FSD2: variants seen among roughly 807,000 people sequenced by gnomAD.
FSD2 encodes the protein fibronectin type III and SPRY domain containing 2.
A neutral mutation model predicts 80.4 loss-of-function variants in FSD2; 71 were observed. That is an observed-to-expected ratio of 0.88 (90% CI 0.73 to 1.08). FSD2 has a LOEUF of 1.08. FSD2 is among the 50% of genes least tolerant of loss of function. The pLI is 0.00. For missense variants in FSD2, 923 were observed against 913.8 expected, an observed-to-expected ratio of 1.01 and a Z score of -0.13; for synonymous variants, 361 against 329.5, an observed-to-expected ratio of 1.10 and a Z score of -1.03.
chr15:82,793,424 T>C (rs1405549264), intron 1 of FSD2, among the ~76,000 whole-genome samples: 1 of 152,232 alleles, frequency 6.6e-6, no homozygotes, highest in Non-Finnish European at 1.5e-5. Flanking sequence ...ATACATGTAT[T>C]GTCAAGTATG....
chr15:82,778,950 AGTGC>A, intron 5 of FSD2, 63 bp from the exon 6 acceptor site: 2 of 1,557,716 alleles, frequency 1.3e-6, no homozygotes, highest in Non-Finnish European at 1.7e-6. Context: ...GTATATATAT[AGTGC>A]TGAGTCACTG....
At chr15:82,781,667 T>C (rs968476585) in intron 4 of FSD2, among the ~76,000 whole-genome samples, 4 of 152,164 alleles carry the variant, frequency 2.6e-5, no homozygotes, top group African/African-American at 7.2e-5. Flanking sequence ...AGATTTTTAA[T>C]TGCTACACTT....
At chr15:82,765,866 G>T in intron 10 of FSD2, 32 bp downstream of exon 10, 1 of 1,579,228 alleles carries the variant, frequency 6.3e-7, no homozygotes, top group Non-Finnish European at 8.6e-7. Context: ...GCCACTTTGG[G>T]TCCCAGAGAC....
At chr15:82,805,639 C>G (rs1424296713) in intron 1 of FSD2, among the ~76,000 whole-genome samples, 2 of 152,212 alleles carry the variant, frequency 1.3e-5, no homozygotes, top group Non-Finnish European at 2.9e-5. Flanking sequence ...TATTCAACAT[C>G]TATATTTCCA....
chr15:82,782,417 A>C (rs7172538), intron 4 of FSD2, among the ~76,000 whole-genome samples: 34,825 of 152,096 alleles, frequency 0.23, 4,117 homozygotes, highest in Middle Eastern at 0.28. Context: ...CCAAACCAAA[A>C]CAAAACAAAA....
intron 3 of FSD2, among the ~76,000 whole-genome samples, chr15:82,785,899 A>G (rs1265531123): frequency 2.0e-5 from 3 of 152,146 alleles, no homozygotes; most frequent in Middle Eastern, 3.2e-3. Context: ...TTCTACCCCA[A>G]AAAAAGAGGT....
intron 1 of FSD2, 64 bp from the exon 2 acceptor site, chr15:82,787,532 G>T (rs2050032477): frequency 1.4e-6 from 1 of 737,002 alleles, no homozygotes. Context: ...ATGATCATTA[G>T]ATTGGGCTCT....
intron 1 of FSD2, among the ~76,000 whole-genome samples, chr15:82,787,755 C>T (rs2050039203): frequency 6.6e-6 from 1 of 151,828 alleles, no homozygotes; most frequent in African/African-American, 2.4e-5. Flanking sequence ...TAATGGGAAG[C>T]ATCTCAGGCA....
intron 9 of FSD2, among the ~76,000 whole-genome samples, chr15:82,767,968 TC>T (rs1344356096): frequency 6.6e-6 from 1 of 152,164 alleles, no homozygotes; most frequent in Non-Finnish European, 1.5e-5. Context: ...GGGTGGTTCA[TC>T]CCCTTTCACA....
At position 82,800,916 on chromosome 15, in the gene FSD2, G is replaced by A. The variant is rs138554498; in HGVS notation, c.-79+5050C>T. On this transcript the variant is annotated intron_variant, in intron 1 of 12. Coordinates refer to ENST00000334574, the MANE Select transcript of FSD2 (RefSeq NM_001007122.4). Reference sequence around the variant, plus strand: ...TGCTAAAAATCACCCCTGGGGTGGTGATTTAAAATGCTAATGCTACATATA... The same window carrying A: ...TGCTAAAAATCACCCCTGGGGTGGTAATTTAAAATGCTAATGCTACATATA... 5.7e-4 allele frequency among the ~76,000 whole-genome samples: 86 copies of A among 152,082 alleles called. 1 individual carries two copies. The highest frequency in any genetic ancestry group is 1.0e-3 in the Non-Finnish European group (70 of 67,986).
intron 1 of FSD2, among the ~76,000 whole-genome samples, chr15:82,792,247 C>T (rs1185048181): frequency 6.6e-6 from 1 of 152,184 alleles, no homozygotes; most frequent in Non-Finnish European, 1.5e-5. Flanking sequence ...TGTAGGAAAG[C>T]TCTGATTTCT....
In FSD2 at chr15:82,765,898, C is replaced by G. The variant is rs1204753403; in HGVS notation, c.1687G>C (p.Gly563Arg). Residue 563 changes from glycine (G) to arginine (R), a missense_variant and splice_region_variant, in exon 10 of 13, where the codon GGA becomes CGA. Transcript: ENST00000334574. Reference protein sequence around the residue: ...RSEPATVHTIGSYFRLNKDTC... With the variant: ...RSEPATVHTIRSYFRLNKDTC... ...AGACTTTGTGGGCTGGGGCACAGACCTATGGTGTGGACTGTAGCTGGCTCG... is the reference window on the plus strand; with the variant it reads ...AGACTTTGTGGGCTGGGGCACAGACGTATGGTGTGGACTGTAGCTGGCTCG... The G allele has an allele frequency of 6.2e-7, 1 of 1,608,304 alleles. No homozygotes were observed. The highest frequency in any genetic ancestry group is 8.5e-7 in the Non-Finnish European group (1 of 1,177,518).
intron 1 of FSD2, among the ~76,000 whole-genome samples, chr15:82,787,822 C>G (rs998334906): frequency 5.3e-5 from 8 of 152,038 alleles, no homozygotes; most frequent in Admixed American, 5.2e-4. Flanking sequence ...CTCTGTCACC[C>G]AGGCTAGAGT....
chr15:82,765,400 T>G, intron 10 of FSD2, 102 bp from the exon 11 acceptor site: 1 of 1,481,940 alleles, frequency 6.7e-7, no homozygotes, highest in Non-Finnish European at 9.2e-7. Context: ...CACCTAAGCC[T>G]GGACCTGGCC....
chr15:82,780,171 G>A, intron 5 of FSD2, 74 bp downstream of exon 5: 2 of 1,022,562 alleles, frequency 2.0e-6, no homozygotes, highest in East Asian at 2.7e-5. Flanking sequence ...ATAACCAAAT[G>A]GAACTGAGTC....
chr15:82,761,476 G>A (rs1481285800), intron 12 of FSD2, among the ~76,000 whole-genome samples: 1 of 152,086 alleles, frequency 6.6e-6, no homozygotes, highest in Non-Finnish European at 1.5e-5. Context: ...TGGAACTGGG[G>A]CTTCAAAGCA....
intron 1 of FSD2, among the ~76,000 whole-genome samples, chr15:82,798,865 T>A (rs34050706): frequency 0.15 from 21,898 of 145,332 alleles, 1,908 homozygotes; most frequent in South Asian, 0.34. Context: ...CTTTCCACTA[T>A]CTCCACTGTT....
chr15:82,781,892 T>C (rs1446117256), intron 4 of FSD2, among the ~76,000 whole-genome samples: 1 of 149,510 alleles, frequency 6.7e-6, no homozygotes. Context: ...ACCCCGTCTC[T>C]ACTAAAAAAA....
chr15:82,774,134 G>A (rs2049655963), intron 6 of FSD2, among the ~76,000 whole-genome samples: 1 of 152,036 alleles, frequency 6.6e-6, no homozygotes, highest in African/African-American at 2.4e-5. Flanking sequence ...GAGTGCAGTG[G>A]GGCAGTCATA....
Sources: gnomAD v4.1 joint callset for allele counts (sites outside exome capture counted in the v4.1 genomes callset) on GRCh38, gnomAD v4.1.1 for gene constraint, MANE v1.5 for transcripts, NCBI Gene and HGNC (gene_info 2026-07-23, HGNC 2026-07-21) for gene names.